PRDM11: variants seen among roughly 807,000 people sequenced by gnomAD.
PRDM11 encodes PR domain-containing protein 11.
Under a neutral mutation model 97.8 loss-of-function variants are expected in PRDM11, and 20 were observed. The ratio of observed to expected loss-of-function variants is 0.20; its 90% CI spans 0.14 to 0.30. The LOEUF (loss-of-function observed/expected upper bound fraction) is 0.30, where lower values mean the gene tolerates loss of function less well. Ranked by LOEUF, PRDM11 falls within the 10% of genes least tolerant of loss-of-function variation. PRDM11 has a pLI of 1.00. For missense variants in PRDM11, 1,139 were observed against 1,555.2 expected (o/e 0.73, Z 4.50); for synonymous variants, 599 against 637.7 (o/e 0.94, Z 0.91).
intron 1 of PRDM11, among the ~76,000 whole-genome samples, chr11:45,163,073 T>G (rs1851969501): frequency 6.6e-6 from 1 of 152,084 alleles, no homozygotes; most frequent in South Asian, 2.1e-4. Context: ...AAGGAGTGGG[T>G]GGTACTGCTC....
At chr11:45,212,670 C>G (rs1001493610) in intron 5 of PRDM11, 1 of 456,250 alleles carries the variant, frequency 2.2e-6, no homozygotes, top group African/African-American at 2.0e-5. Flanking sequence ...TGCAGGACCC[C>G]TCGGCCGCAC....
chr11:45,118,654 G>A (rs1852354074), intron 1 of PRDM11, among the ~76,000 whole-genome samples: 1 of 152,210 alleles, frequency 6.6e-6, no homozygotes, highest in Non-Finnish European at 1.5e-5. Flanking sequence ...TGTGATAAAA[G>A]CATTCAGCAA....
In PRDM11 at chr11:45,227,946, C is replaced by T; in HGVS notation, c.3321C>T (p.Thr1107=). 6.5e-7 allele frequency: 1 copy of T among 1,533,910 alleles called. No homozygotes were observed. The highest frequency in any genetic ancestry group is 8.7e-7 in the Non-Finnish European group (1 of 1,146,730). Residue 1107 remains threonine, a synonymous_variant, in exon 8 of 8, where the codon ACC becomes ACT. Coordinates refer to ENST00000683152, the MANE Select transcript of PRDM11 (RefSeq NM_001384648.1). The surrounding 1 kb of genome is among the most constrained non-coding windows in gnomAD (Gnocchi z 8.0). ...RVRKNHRSRL[T]LEQLSDLLTI... is the part of the protein sequence containing the mutation. The stretch of plus-strand genomic sequence containing the variant: ...GCAAAAACCACCGCTCCCGCCTGAC[C>T]CTGGAGCAGCTTAGCGACCTGTTGA...
chr11:45,186,995 C>A (rs984635272), intron 4 of PRDM11, among the ~76,000 whole-genome samples: 1 of 152,166 alleles, frequency 6.6e-6, no homozygotes, highest in Non-Finnish European at 1.5e-5. Flanking sequence ...TTCAACCCAA[C>A]CTCACATACA....
chr11:45,219,500 T>G lies in PRDM11; in HGVS notation c.555-70T>G. ...CTAACCATCCACACTTGCCCAGCAC[T>G]GTGCCGGCACCAGCGGGCACTCAAC... On this transcript the variant is annotated intron_variant, in intron 5 of 7. Coordinates refer to ENST00000683152, the MANE Select transcript of PRDM11 (RefSeq NM_001384648.1). This position sits in a 1 kb window ranked among gnomAD's most constrained non-coding sequence, Gnocchi z 4.2. 1 of 1,435,098 alleles carries G rather than the reference T, an allele frequency of 7.0e-7. No individual in the cohort carries two copies. The highest frequency in any genetic ancestry group is 9.6e-7 in the Non-Finnish European group (1 of 1,046,584). The allele number at this position is 1,435,098 out of a possible 1,614,324, so 88.9% of individuals were successfully genotyped here. A position where few individuals can be genotyped will look rare whatever the true frequency, so the allele number is the denominator to read the frequency against.
chr11:45,213,181 C>T (rs201895578), intron 5 of PRDM11: 41 of 456,562 alleles, frequency 9.0e-5, no homozygotes, highest in Admixed American at 1.9e-4. Context: ...CCTCACCGAG[C>T]GCAGGTCGCT....
At chr11:45,213,714 G>C (rs1853863471) in intron 5 of PRDM11, 2 of 456,380 alleles carry the variant, frequency 4.4e-6, no homozygotes, top group Non-Finnish European at 8.8e-6. Flanking sequence ...GCTCAGGACA[G>C]TCAGCTCAAG....
At chr11:45,148,768 A>C (rs569630111) in intron 1 of PRDM11, among the ~76,000 whole-genome samples, 1 of 152,264 alleles carries the variant, frequency 6.6e-6, no homozygotes, top group African/African-American at 2.4e-5. Context: ...TCCTGGACTT[A>C]CAGGGAGTTT....
chr11:45,173,280 G>A (rs977248477), intron 1 of PRDM11, among the ~76,000 whole-genome samples: 12 of 152,172 alleles, frequency 7.9e-5, no homozygotes, highest in African/African-American at 2.4e-4. Context: ...ATGAGGTAAC[G>A]GATACCATAG....
chr11:45,232,880 G>A lies in PRDM11; in HGVS notation c.*4721G>A, dbSNP rs143340427. 1 of 152,172 alleles carries A rather than the reference G, an allele frequency of 6.6e-6. No individual in the cohort carries two copies. The highest frequency in any genetic ancestry group is 1.9e-4 in the East Asian group (1 of 5,166). 9.4% of individuals were successfully genotyped at this position (152,172 alleles called of 1,614,324 possible). The stretch of plus-strand genomic sequence containing the variant: ...AAAGTGCCCTTTTGGGAGGAAAATG[G>A]TACGCCCCTCCACTTCCATCTGGCA... On this transcript the variant is annotated 3_prime_UTR_variant, in exon 8 of 8. Coordinates refer to ENST00000683152, the MANE Select transcript of PRDM11 (RefSeq NM_001384648.1).
At chr11:45,204,199 C>G (rs1853428018) in intron 4 of PRDM11, among the ~76,000 whole-genome samples, 1 of 152,152 alleles carries the variant, frequency 6.6e-6, no homozygotes, top group East Asian at 1.9e-4. Flanking sequence ...GAAAGAGAAA[C>G]CAGCCAGCTT....
chr11:45,219,574 G>A lies in PRDM11; in HGVS notation c.559G>A (p.Val187Met). The part of the protein sequence containing the change: ...DETKANWMRY[V>M]VISREEREQN... ...CCTGTCTCCCCTCCCCACCAGGTAC[G>A]TGGTCATCTCCCGGGAGGAGAGGGA... Residue 187 changes from valine to methionine, a missense_variant, in exon 6 of 8, where the codon GTG becomes ATG. Val to Met is a conservative substitution (Grantham distance 21, BLOSUM62 1). Around this residue, in one of 2 missense-constraint regions of PRDM11, gnomAD observed 429 missense variants for 510.3 expected, o/e 0.84. Transcript: ENST00000683152. This position sits in a 1 kb window ranked among gnomAD's most constrained non-coding sequence, Gnocchi z 4.2. 1 of 1,613,344 alleles carries A rather than the reference G, an allele frequency of 6.2e-7. No homozygotes were observed. Among genetic ancestry groups the A allele is most frequent in the Non-Finnish European group, 8.5e-7 (1 of 1,179,422 alleles).
intron 4 of PRDM11, among the ~76,000 whole-genome samples, chr11:45,188,185 T>G (rs576048820): frequency 2.6e-5 from 4 of 152,218 alleles, no homozygotes; most frequent in Admixed American, 6.5e-5. Flanking sequence ...ATGACAAGCA[T>G]AGCTGTTAAT....
chr11:45,181,153 C>T (rs1414555309), intron 1 of PRDM11, among the ~76,000 whole-genome samples: 2 of 152,186 alleles, frequency 1.3e-5, no homozygotes, highest in African/African-American at 2.4e-5. Context: ...AAGCCCGGCG[C>T]GGTGGTGGAG....
intron 1 of PRDM11, among the ~76,000 whole-genome samples, chr11:45,135,733 A>G (rs1037818717): frequency 6.6e-6 from 1 of 152,228 alleles, no homozygotes; most frequent in Non-Finnish European, 1.5e-5. Context: ...GGGAATGTCA[A>G]TTCTCCTCAA....
intron 1 of PRDM11, among the ~76,000 whole-genome samples, chr11:45,158,758 C>T (rs1590391196): frequency 6.6e-6 from 1 of 152,040 alleles, no homozygotes; most frequent in Non-Finnish European, 1.5e-5. Flanking sequence ...CTGATCCTTT[C>T]ACTGTGCAGG....
intron 5 of PRDM11, among the ~76,000 whole-genome samples, chr11:45,206,127 T>C (rs553304118): frequency 1.3e-5 from 2 of 152,302 alleles, no homozygotes; most frequent in African/African-American, 4.8e-5. Flanking sequence ...ATCACCTGTG[T>C]ACTGAGCACC....
intron 1 of PRDM11, among the ~76,000 whole-genome samples, chr11:45,121,116 A>T (rs1852421113): frequency 6.6e-6 from 1 of 152,194 alleles, no homozygotes; most frequent in Admixed American, 6.5e-5. Flanking sequence ...AACGAAGAAT[A>T]GATGGTTCAA....
intron 1 of PRDM11, among the ~76,000 whole-genome samples, chr11:45,096,381 G>A (rs1075293): frequency 0.099 from 15,022 of 152,258 alleles, 815 homozygotes; most frequent in Middle Eastern, 0.21. Context: ...TCATTCACAC[G>A]TCTTAACATT....
Sources: allele counts gnomAD v4.1 joint callset (sites outside exome capture counted in the v4.1 genomes callset), GRCh38; gene constraint gnomAD v4.1.1; regional missense constraint gnomAD v4.1.1; non-coding constraint Gnocchi (gnomAD v3.1); transcripts MANE v1.5; gene names NCBI Gene and HGNC (gene_info 2026-07-23, HGNC 2026-07-21).